The following LRRTM4 variants were observed in gnomAD, a reference collection of about 807,000 sequenced individuals.
LRRTM4 encodes the protein leucine-rich repeat transmembrane neuronal protein 4.
LRRTM4 carries 25 observed loss-of-function variants against 47.6 expected under a neutral mutation model. The observed-to-expected ratio is 0.53, with a 90% CI of 0.38 to 0.73. LRRTM4 has a LOEUF of 0.73. LRRTM4 is among the 30% of genes least tolerant of loss of function. The probability of loss-of-function intolerance (pLI) is 0.00; values close to 1 mark genes in which losing one functional copy is unlikely to be tolerated. For synonymous variants in LRRTM4, 311 were observed against 269.5 expected, an observed-to-expected ratio of 1.15 and a Z score of -1.51; for missense variants, 638 against 713.4, an observed-to-expected ratio of 0.89 and a Z score of 1.20.
At chr2:77,301,931 C>T (rs141854974) in intron 3 of LRRTM4, among the ~76,000 whole-genome samples, 8 of 152,094 alleles carry the variant, frequency 5.3e-5, no homozygotes, top group Non-Finnish European at 1.2e-4. Flanking sequence ...AAGATATTGC[C>T]TAGCAACACT....
At chr2:76,857,665 C>G (rs1460997107) in intron 3 of LRRTM4, among the ~76,000 whole-genome samples, 1 of 152,094 alleles carries the variant, frequency 6.6e-6, no homozygotes, top group East Asian at 1.9e-4. Context: ...ATTGTTTATA[C>G]TGATAGTGGT....
At chr2:77,327,943 G>GGACA (rs1209254115) in intron 3 of LRRTM4, among the ~76,000 whole-genome samples, 11 of 152,164 alleles carry the variant, frequency 7.2e-5, no homozygotes, top group Admixed American at 7.2e-4. Context: ...ATAGAAAGAG[G>GGACA]GACAGAAGAC....
chr2:77,308,562 C>G lies in LRRTM4; in HGVS notation c.1551+209756G>C, dbSNP rs934881871. ...ATCATTTTAAATAACATATATAAGC[C>G]TGTATGTATTCTTCCGTTATCTTGA... is the stretch of plus-strand genomic sequence containing the variant. On this transcript the variant is annotated intron_variant, in intron 3 of 3. Coordinates refer to ENST00000409884, the MANE Select transcript of LRRTM4 (RefSeq NM_001134745.3). Among the ~76,000 whole-genome samples the G allele has an allele frequency of 2.0e-5, 3 of 152,114 alleles. No homozygotes were observed. The East Asian group carries it at 5.8e-4, about 29-fold the overall frequency.
intron 3 of LRRTM4, among the ~76,000 whole-genome samples, chr2:76,885,947 TA>T (rs1673063688): frequency 6.6e-6 from 1 of 152,074 alleles, no homozygotes; most frequent in South Asian, 2.1e-4. Flanking sequence ...CTTGGAAGAA[TA>T]AATCTGACAA....
Position 76,854,921 on chromosome 2 carries a change from T to A in LRRTM4, c.1552-106005A>T, listed in dbSNP as rs1274983997. Among the ~76,000 whole-genome samples, 3 of 150,836 alleles carry A rather than the reference T, an allele frequency of 2.0e-5. No individual in the cohort carries two copies. In the South Asian group the frequency reaches 6.3e-4, roughly 32 times the overall value. On this transcript the variant is annotated intron_variant, in intron 3 of 3. Transcript: ENST00000409884. ...GATATTTTAGAAGTTGATAGCCTCA[T>A]TAAAAAAAGAAAGAAACAGTAGAGC...
At chr2:76,887,539 C>T (rs1673116151) in intron 3 of LRRTM4, among the ~76,000 whole-genome samples, 1 of 140,464 alleles carries the variant, frequency 7.1e-6, no homozygotes, top group South Asian at 2.3e-4. Context: ...TTTTTATCTC[C>T]CATTGAATCT....
intron 3 of LRRTM4, among the ~76,000 whole-genome samples, chr2:76,946,276 A>T (rs891677414): frequency 1.3e-5 from 2 of 151,876 alleles, no homozygotes; most frequent in African/African-American, 4.8e-5. Context: ...CTCTAGAGGG[A>T]ATTGAGGTAT....
intron 3 of LRRTM4, among the ~76,000 whole-genome samples, chr2:77,503,803 T>A (rs890286587): frequency 2.0e-5 from 3 of 151,596 alleles, no homozygotes; most frequent in African/African-American, 7.3e-5. Context: ...GAGGAAAACA[T>A]TTAAAGAAAG....
At chr2:76,967,995 T>A (rs949924203) in intron 3 of LRRTM4, among the ~76,000 whole-genome samples, 5 of 151,378 alleles carry the variant, frequency 3.3e-5, no homozygotes, top group Non-Finnish European at 7.4e-5. Context: ...ATGAACATTA[T>A]TGTTCATCTC....
intron 3 of LRRTM4, among the ~76,000 whole-genome samples, chr2:77,421,046 C>T (rs995055740): frequency 2.0e-5 from 3 of 151,256 alleles, no homozygotes; most frequent in Non-Finnish European, 4.4e-5. Flanking sequence ...CTTGGTATAG[C>T]AGGAAACAAG....
chr2:77,363,939 A>C (rs1672337604), intron 3 of LRRTM4, among the ~76,000 whole-genome samples: 1 of 152,164 alleles, frequency 6.6e-6, no homozygotes, highest in Non-Finnish European at 1.5e-5. Flanking sequence ...GGAAAGCTTC[A>C]ATTACAAGTG....
At chr2:77,049,077 G>A (rs1175429988) in intron 3 of LRRTM4, among the ~76,000 whole-genome samples, 1 of 143,466 alleles carries the variant, frequency 7.0e-6, no homozygotes, top group African/African-American at 2.6e-5. Flanking sequence ...CCGTGTTGCT[G>A]TGAATGACAG....
intron 3 of LRRTM4, among the ~76,000 whole-genome samples, chr2:77,037,798 T>A (rs867924436): frequency 6.6e-6 from 1 of 151,718 alleles, no homozygotes; most frequent in African/African-American, 2.4e-5. Flanking sequence ...TGCATGCAAA[T>A]GATAATAGAT....
At chr2:76,946,302 A>C (rs143269521) in intron 3 of LRRTM4, among the ~76,000 whole-genome samples, 112 of 152,054 alleles carry the variant, frequency 7.4e-4, no homozygotes, top group Non-Finnish European at 1.1e-3. Flanking sequence ...GCGTTTGTTC[A>C]GTGTATACGT....
At chr2:77,216,544 AAAATAAAT>A (rs1043864227) in intron 3 of LRRTM4, among the ~76,000 whole-genome samples, 4 of 152,022 alleles carry the variant, frequency 2.6e-5, no homozygotes, top group African/African-American at 4.8e-5. Flanking sequence ...AATCCATCTC[AAAATAAAT>A]AAATAAATAA....
At chr2:76,896,090 T>C (rs1418113076) in intron 3 of LRRTM4, among the ~76,000 whole-genome samples, 2 of 152,058 alleles carry the variant, frequency 1.3e-5, no homozygotes, top group African/African-American at 4.8e-5. Context: ...TAAAGATCAT[T>C]ATTTATTACA....
chr2:77,514,063 C>A (rs1275950152), intron 3 of LRRTM4, among the ~76,000 whole-genome samples: 1 of 151,818 alleles, frequency 6.6e-6, no homozygotes, highest in Non-Finnish European at 1.5e-5. Flanking sequence ...CACAAACACA[C>A]ACACACATAT....
intron 3 of LRRTM4, among the ~76,000 whole-genome samples, chr2:77,447,066 A>G (rs1022584832): frequency 1.3e-5 from 2 of 152,132 alleles, no homozygotes; most frequent in African/African-American, 4.8e-5. Flanking sequence ...GGCAGAAATT[A>G]TAAGGAATGG....
chr2:76,794,687 T>C (rs1301899554), intron 3 of LRRTM4, among the ~76,000 whole-genome samples: 1 of 152,194 alleles, frequency 6.6e-6, no homozygotes, highest in Non-Finnish European at 1.5e-5. Flanking sequence ...GCAGGGTTTT[T>C]CAAACTTGAC....
Sources: allele counts gnomAD v4.1 joint callset (sites outside exome capture counted in the v4.1 genomes callset), GRCh38; gene constraint gnomAD v4.1.1; transcripts MANE v1.5; gene names NCBI Gene and HGNC (gene_info 2026-07-23, HGNC 2026-07-21).